The following CENATAC variants were observed in gnomAD, a reference collection of about 807,000 sequenced individuals.
CENATAC encodes the protein centrosomal AT-AC splicing factor.
Under a neutral mutation model 53.7 loss-of-function variants are expected in CENATAC, and 53 were observed. That is an observed-to-expected ratio of 0.99 (90% CI 0.79 to 1.24). CENATAC has a LOEUF of 1.24. Among genes scored for constraint, CENATAC ranks in the 50% most tolerant of loss-of-function variants. The pLI, the probability that CENATAC is intolerant of heterozygous loss-of-function variation, is 0.00. For missense variants in CENATAC, 474 were observed against 417.8 expected, an observed-to-expected ratio of 1.13 and a Z score of -1.17; for synonymous variants, 156 against 144.6, an observed-to-expected ratio of 1.08 and a Z score of -0.57.
Position 118,998,235 on chromosome 11 carries a change from CCTT to C in CENATAC, c.44_46del (p.Phe15del), listed in dbSNP as rs782714260. On this transcript the variant is annotated inframe_deletion, in exon 1 of 11. Coordinates refer to ENST00000334418, the MANE Select transcript of CENATAC (RefSeq NM_198489.3). ...CAGCGCTGCCCTCTGTGCCGCCAGACCTTCTTCTGTGGTCGCGGGCACGTTTAC... is the reference window on the plus strand; with the variant it reads ...CAGCGCTGCCCTCTGTGCCGCCAGACCTTCTGTGGTCGCGGGCACGTTTAC... 20 of 1,586,804 alleles carry C rather than the reference CCTT, an allele frequency of 1.3e-5. No individual in the cohort carries two copies. The Admixed American group carries it at 3.1e-4, about 24-fold the overall frequency.
At position 119,015,363 on chromosome 11, in the gene CENATAC, C is replaced by T; in HGVS notation, c.862C>T (p.His288Tyr). The change falls in exon 10 of 11, where the codon CAC becomes TAC. Residue 288 changes from histidine (H) to tyrosine (Y), a missense_variant. Physicochemically the swap from His to Tyr is moderately conservative, Grantham distance 83. Coordinates refer to ENST00000334418, the MANE Select transcript of CENATAC (RefSeq NM_198489.3). The part of the protein sequence containing the change: ...PPDRVGANFD[H>Y]SSRTSAGWLP... Reference sequence around the variant, plus strand: ...AGACCGAGTTGGGGCCAACTTTGATCACAGCTCCAGGACCAGTGCAGGCTG... The same window carrying T: ...AGACCGAGTTGGGGCCAACTTTGATTACAGCTCCAGGACCAGTGCAGGCTG... 1 of 1,614,158 alleles carries T rather than the reference C, an allele frequency of 6.2e-7. No individual in the cohort carries two copies. The highest frequency in any genetic ancestry group is 8.5e-7 in the Non-Finnish European group (1 of 1,180,010).
chr11:119,012,411 C>T (rs1339252362), intron 7 of CENATAC, 157 bp downstream of exon 7: 2 of 768,962 alleles, frequency 2.6e-6, no homozygotes, highest in Non-Finnish European at 4.0e-6. Context: ...GACCTCTTCT[C>T]ACCCTCCAAA....
chr11:119,011,543 T>C (rs764438736), intron 5 of CENATAC, among the ~76,000 whole-genome samples: 1 of 152,160 alleles, frequency 6.6e-6, no homozygotes, highest in Non-Finnish European at 1.5e-5. Flanking sequence ...CACGCCTGGC[T>C]AATTTTTATA....
At chr11:119,013,664 C>T (rs1040141411) in intron 8 of CENATAC, among the ~76,000 whole-genome samples, 6 of 151,898 alleles carry the variant, frequency 4.0e-5, no homozygotes, top group Non-Finnish European at 7.4e-5. Flanking sequence ...GGGGTTTCAC[C>T]GTTTTAGCCG....
chr11:119,015,598 A>C lies in CENATAC; in HGVS notation c.999A>C (p.Ter333TyrextTer31). ...AGCAGTCACATACAGAAAAAAGCTAATCATGCTCTCTACCAACTACCATGA... is the reference window on the plus strand; with the variant it reads ...AGCAGTCACATACAGAAAAAAGCTACTCATGCTCTCTACCAACTACCATGA... ...MKKQSHTEKS[*>Y] is the part of the protein sequence containing the mutation. Residue 333 changes from the stop codon to tyrosine, a stop_lost, in exon 11 of 11, where the codon TAA becomes TAC. Coordinates refer to ENST00000334418, the MANE Select transcript of CENATAC (RefSeq NM_198489.3). The C allele has an allele frequency of 6.2e-7, 1 of 1,614,040 alleles. No homozygotes were observed. The highest frequency in any genetic ancestry group is 8.5e-7 in the Non-Finnish European group (1 of 1,179,950).
intron 3 of CENATAC, chr11:119,001,745 C>G: frequency 2.2e-6 from 1 of 449,094 alleles, no homozygotes; most frequent in Non-Finnish European, 4.5e-6. Flanking sequence ...AAAAGGAATG[C>G]CTAAAGGATA....
At chr11:119,013,207 C>G (rs889122546) in intron 7 of CENATAC, 25 bp from the exon 8 acceptor site, 2 of 1,590,474 alleles carry the variant, frequency 1.3e-6, no homozygotes, top group African/African-American at 2.7e-5. Context: ...TTAACTAGCA[C>G]TTTTTTTCCC....
intron 8 of CENATAC, 53 bp from the exon 9 acceptor site, chr11:119,014,941 A>T: frequency 7.9e-7 from 1 of 1,262,620 alleles, no homozygotes; most frequent in East Asian, 2.3e-5. Context: ...GACATGTTTC[A>T]CAATAGCCTG....
Position 119,015,781 on chromosome 11 carries a change from T to C in CENATAC, c.*183T>C. 1.5e-6 allele frequency: 2 copies of C among 1,346,438 alleles called. No individual in the cohort carries two copies. The highest frequency in any genetic ancestry group is 2.1e-6 in the Non-Finnish European group (2 of 948,902). The allele number at this position is 1,346,438 out of a possible 1,614,324, so 83.4% of individuals were successfully genotyped here. ...GACCTGTAAAAAAAAATTAAAAGAA[T>C]CAGAACCATAAAGCTTTGTATCTAC... On this transcript the variant is annotated 3_prime_UTR_variant, in exon 11 of 11. Coordinates refer to ENST00000334418, the MANE Select transcript of CENATAC (RefSeq NM_198489.3).
chr11:119,015,317 G>A lies in CENATAC; in HGVS notation c.816G>A (p.Gln272=). The stretch of plus-strand genomic sequence containing the variant: ...CCTATCATTGTACAGAGGAAAAACA[G>A]AAGTTGAAAAAACTCCCCCCAGACC... ...YEEFLKEKEK[Q]KLKKLPPDRV... is the part of the protein sequence containing the mutation. Residue 272 remains glutamine (Q), a synonymous_variant, in exon 10 of 11, where the codon CAG becomes CAA. Transcript: ENST00000334418. 1 of 1,611,346 alleles carries A rather than the reference G, an allele frequency of 6.2e-7. No individual in the cohort carries two copies. The highest frequency in any genetic ancestry group is 1.1e-5 in the South Asian group (1 of 90,568).
chr11:118,998,376 G>C (rs1942116774), intron 1 of CENATAC, 54 bp from the exon 2 acceptor site: 1 of 1,612,094 alleles, frequency 6.2e-7, no homozygotes, highest in Admixed American at 1.7e-5. Context: ...GAAGGCCAGA[G>C]CGGGTGTGAT....
rs782014341 is a variant in CENATAC at position 119,015,520 on chromosome 11, CCCTTTATTT to C, written c.939-12_939-4del. 1.4e-4 allele frequency: 234 copies of C among 1,614,040 alleles called. No individual in the cohort carries two copies. Among genetic ancestry groups the C allele is most frequent in the Non-Finnish European group, 1.8e-4 (217 of 1,180,020 alleles). On this transcript the variant is annotated splice_polypyrimidine_tract_variant and intron_variant, in intron 10 of 10. Transcript: ENST00000334418. ...ATGTCACCCTTCATCATCGTGTTAA[CCCTTTATTT>C]CCTTTCAGACATCAATTCAAAACTG... is the stretch of plus-strand genomic sequence containing the variant.
chr11:119,015,516 T>C, intron 10 of CENATAC, 22 bp from the exon 11 acceptor site: 1 of 1,614,168 alleles, frequency 6.2e-7, no homozygotes, highest in Non-Finnish European at 8.5e-7. Flanking sequence ...CATCATCGTG[T>C]TAACCCTTTA....
At chr11:119,013,073 G>A in intron 7 of CENATAC, 159 bp from the exon 8 acceptor site, 1 of 588,518 alleles carries the variant, frequency 1.7e-6, no homozygotes, top group Admixed American at 3.3e-5. Flanking sequence ...GACTTACTGT[G>A]CTTTCAAAGT....
At chr11:119,003,294 G>C in intron 3 of CENATAC, 1 of 527,052 alleles carries the variant, frequency 1.9e-6, no homozygotes, top group Non-Finnish European at 3.7e-6. Context: ...TGCCTCCGGA[G>C]TCGCAATGTC....
At chr11:119,013,811 G>A (rs1377296367) in intron 8 of CENATAC, among the ~76,000 whole-genome samples, 2 of 151,354 alleles carry the variant, frequency 1.3e-5, no homozygotes, top group African/African-American at 2.4e-5. Context: ...CGTATGTATC[G>A]GTAAAAGCCT....
In CENATAC at chr11:118,998,332, C is replaced by G. The variant is rs782254330; in HGVS notation, c.120+15C>G. 8.7e-6 allele frequency: 14 copies of G among 1,611,218 alleles called. No individual in the cohort carries two copies. The African/African-American group carries it at 1.7e-4, about 20-fold the overall frequency. ...TCCTGCCCCAGGTGCGGAGGCAAGG[C>G]TAGAGATGGGATGGGAGTGCGGGGC... On this transcript the variant is annotated intron_variant, in intron 1 of 10. Coordinates refer to ENST00000334418, the MANE Select transcript of CENATAC (RefSeq NM_198489.3).
chr11:119,002,079 C>T (rs1942326694), intron 3 of CENATAC, among the ~76,000 whole-genome samples: 1 of 151,564 alleles, frequency 6.6e-6, no homozygotes, highest in Non-Finnish European at 1.5e-5. Flanking sequence ...CAAAAAATAG[C>T]TGGGCGTGTT....
In CENATAC at chr11:118,999,089, C is replaced by T. The variant is rs781829160; in HGVS notation, c.363C>T (p.Val121=). Residue 121 remains valine (V), a synonymous_variant, in exon 3 of 11, where the codon GTC becomes GTT. Coordinates refer to ENST00000334418, the MANE Select transcript of CENATAC (RefSeq NM_198489.3). ...TCCAGATGAAAGAGAAGTTTCTGGT[C>T]ACTCCCCAGGATTATGCGCGGTGAG... ...AEVQMKEKFL[V]TPQDYARFKK... is the part of the protein sequence containing the mutation. 5.0e-6 allele frequency: 8 copies of T among 1,613,668 alleles called. No homozygotes were observed. The highest frequency in any genetic ancestry group is 2.7e-5 in the African/African-American group (2 of 74,910).
Sources: allele counts gnomAD v4.1 joint callset (sites outside exome capture counted in the v4.1 genomes callset), GRCh38; gene constraint gnomAD v4.1.1; transcripts MANE v1.5; gene names NCBI Gene and HGNC (gene_info 2026-07-23, HGNC 2026-07-21).